The following TAS2R1 variants were observed in gnomAD, a reference collection of about 807,000 sequenced individuals.
TAS2R1 encodes the protein taste 2 receptor member 1.
For synonymous variants in TAS2R1, 141 were observed against 134.2 expected, an observed-to-expected ratio of 1.05 and a Z score of -0.35; for missense variants, 370 against 353.4, an observed-to-expected ratio of 1.05 and a Z score of -0.38.
At chr5:9,833,462 G>A in the TAS2R1 span, among the ~76,000 whole-genome samples, 1 of 152,232 alleles carries the variant, frequency 6.6e-6, no homozygotes, top group South Asian at 2.1e-4. Context: ...TTCTTTGTGA[G>A]CTGTGAAAAG....
chr5:9,701,214 A>G (rs1229970451), intron 1 of TAS2R1, among the ~76,000 whole-genome samples: 1 of 135,932 alleles, frequency 7.4e-6, no homozygotes, highest in Non-Finnish European at 1.5e-5. Context: ...AACATGGCAG[A>G]CACGCAGACA....
intron 1 of TAS2R1, among the ~76,000 whole-genome samples, chr5:9,682,794 A>G (rs1458793742): frequency 6.6e-6 from 1 of 152,196 alleles, no homozygotes; most frequent in East Asian, 1.9e-4. Flanking sequence ...TGCCTCATTC[A>G]GCCTACAACC....
At chr5:9,725,179 G>A in the TAS2R1 span, among the ~76,000 whole-genome samples, 1 of 152,252 alleles carries the variant, frequency 6.6e-6, no homozygotes, top group African/African-American at 2.4e-5. Context: ...CTCGCTCTGG[G>A]CGCCTCCTCT....
the TAS2R1 span, among the ~76,000 whole-genome samples, chr5:9,837,706 C>T: frequency 3.9e-5 from 6 of 152,190 alleles, no homozygotes; most frequent in African/African-American, 1.4e-4. Flanking sequence ...ATTTCTTTAA[C>T]AAATGCCTTC....
At chr5:9,754,840 T>C in the TAS2R1 span, among the ~76,000 whole-genome samples, 2 of 152,260 alleles carry the variant, frequency 1.3e-5, no homozygotes, top group African/African-American at 4.8e-5. Context: ...ATAGATTCAA[T>C]GCCATCCCCA....
intron 1 of TAS2R1, among the ~76,000 whole-genome samples, chr5:9,687,361 A>T (rs538057029): frequency 2.6e-5 from 4 of 152,324 alleles, no homozygotes; most frequent in Admixed American, 2.6e-4. Flanking sequence ...TAAAAAATAC[A>T]TCTGATTATC....
the TAS2R1 span, among the ~76,000 whole-genome samples, chr5:9,893,208 CTTT>C: frequency 4.1e-4 from 56 of 138,260 alleles, no homozygotes; most frequent in African/African-American, 7.5e-4. Flanking sequence ...GTTGCCCCAG[CTTT>C]TTTTTTTTTT....
the TAS2R1 span, among the ~76,000 whole-genome samples, chr5:9,876,459 C>A: frequency 1.3e-5 from 2 of 152,050 alleles, no homozygotes; most frequent in Non-Finnish European, 1.5e-5. Flanking sequence ...TGTTCTCTTG[C>A]GAATTTGGCT....
intron 1 of TAS2R1, among the ~76,000 whole-genome samples, chr5:9,674,746 C>G (rs183570485): frequency 6.6e-6 from 1 of 152,132 alleles, no homozygotes; most frequent in South Asian, 2.1e-4. Context: ...AACTTCTATT[C>G]CATTTTTCAC....
At chr5:9,892,684 C>A in the TAS2R1 span, among the ~76,000 whole-genome samples, 4 of 152,122 alleles carry the variant, frequency 2.6e-5, no homozygotes, top group African/African-American at 9.7e-5. Flanking sequence ...CTCCACTGAC[C>A]CATATTTAGA....
intron 1 of TAS2R1, among the ~76,000 whole-genome samples, chr5:9,685,251 C>G (rs1246757986): frequency 6.6e-6 from 1 of 151,828 alleles, no homozygotes; most frequent in Non-Finnish European, 1.5e-5. Flanking sequence ...TTTCAACAAC[C>G]CAAGCTGAGA....
chr5:9,898,538 T>A, the TAS2R1 span, among the ~76,000 whole-genome samples: 3 of 152,324 alleles, frequency 2.0e-5, no homozygotes, highest in African/African-American at 7.2e-5. Flanking sequence ...CACATCACCA[T>A]GAAAGCAGGT....
the TAS2R1 span, among the ~76,000 whole-genome samples, chr5:9,738,056 G>A: frequency 1.3e-4 from 20 of 152,230 alleles, no homozygotes; most frequent in South Asian, 6.2e-4. Flanking sequence ...TTCTCTGGCC[G>A]CCCTCATACT....
At chr5:9,860,831 G>A in the TAS2R1 span, among the ~76,000 whole-genome samples, 3 of 152,138 alleles carry the variant, frequency 2.0e-5, no homozygotes, top group East Asian at 5.8e-4. Context: ...CAGAAAGGTT[G>A]GTCGCAGTGA....
At chr5:9,821,253 G>T in the TAS2R1 span, among the ~76,000 whole-genome samples, 1 of 152,186 alleles carries the variant, frequency 6.6e-6, no homozygotes, top group Non-Finnish European at 1.5e-5. Flanking sequence ...GTAGGTTCAA[G>T]AATGGATTCT....
the TAS2R1 span, among the ~76,000 whole-genome samples, chr5:9,782,360 G>A: frequency 6.7e-5 from 10 of 149,502 alleles, no homozygotes; most frequent in Non-Finnish European, 1.5e-4. Context: ...TAAAGCCACA[G>A]TATCCAGTTT....
intron 1 of TAS2R1, among the ~76,000 whole-genome samples, chr5:9,677,650 A>G (rs1740901784): frequency 6.6e-6 from 1 of 152,240 alleles, no homozygotes; most frequent in Non-Finnish European, 1.5e-5. Context: ...TAGAGTGGCA[A>G]GAATCCAAAA....
the TAS2R1 span, among the ~76,000 whole-genome samples, chr5:9,852,680 T>A: frequency 1.3e-5 from 2 of 152,268 alleles, no homozygotes; most frequent in Admixed American, 1.3e-4. Flanking sequence ...GAAGTATAAA[T>A]CCTCTTTAAA....
chr5:9,896,671 G>A, the TAS2R1 span, among the ~76,000 whole-genome samples: 4 of 152,160 alleles, frequency 2.6e-5, no homozygotes, highest in East Asian at 1.9e-4. Flanking sequence ...AAGAAATCAC[G>A]CTAGACTTTA....
Sources: gnomAD v4.1 joint callset for allele counts (sites outside exome capture counted in the v4.1 genomes callset) on GRCh38, gnomAD v4.1.1 for gene constraint, MANE v1.5 for transcripts, NCBI Gene and HGNC (gene_info 2026-07-23, HGNC 2026-07-21) for gene names.